The following PTPN18 variants were observed in gnomAD, a reference collection of about 807,000 sequenced individuals.
The protein encoded by PTPN18 is protein tyrosine phosphatase non-receptor type 18, also known as tyrosine-protein phosphatase non-receptor type 18.
Under a neutral mutation model 65.4 loss-of-function variants are expected in PTPN18, and 65 were observed. The ratio of observed to expected loss-of-function variants is 0.99; its 90% CI spans 0.81 to 1.22. The LOEUF (loss-of-function observed/expected upper bound fraction) is 1.22. Among genes scored for constraint, PTPN18 ranks in the 50% most tolerant of loss-of-function variants. PTPN18 has a pLI of 0.00. For synonymous variants in PTPN18, 255 were observed against 267.8 expected (o/e 0.95, Z 0.47); for missense variants, 616 against 646.5 (o/e 0.95, Z 0.51).
chr2:130,372,207 C>T lies in PTPN18; in HGVS notation c.1014-50C>T, dbSNP rs913137443. On this transcript the variant is annotated intron_variant, in intron 12 of 14. Transcript: ENST00000175756. ...GCGCTGAGCAGCCTCCCCACTCCCG[C>T]CCTGCCCAGCGCCGCCGTTTCACTT... 5 of 1,518,012 alleles carry T rather than the reference C, an allele frequency of 3.3e-6. No homozygotes were observed. The African/African-American group carries it at 5.6e-5, about 17-fold the overall frequency. 94.0% of individuals were successfully genotyped at this position (1,518,012 alleles called of 1,614,324 possible).
At chr2:130,372,547 C>T in intron 13 of PTPN18, 64 bp downstream of exon 13, 2 of 1,410,176 alleles carry the variant, frequency 1.4e-6, no homozygotes, top group Non-Finnish European at 1.8e-6. Context: ...CGGAACCATC[C>T]TGCAGTGGTC....
At position 130,373,488 on chromosome 2, in the gene PTPN18, A is replaced by T; in HGVS notation, c.*264A>T. On this transcript the variant is annotated 3_prime_UTR_variant, in exon 15 of 15. Coordinates refer to ENST00000175756, the MANE Select transcript of PTPN18 (RefSeq NM_014369.4). This position sits in a 1 kb window ranked among gnomAD's most constrained non-coding sequence, Gnocchi z 4.1. Reference sequence around the variant, plus strand: ...CAGGAAGGGGCATGACCCCTGAGTTATGAAGGGGAGAAGGGACAGATGAGC... The same window carrying T: ...CAGGAAGGGGCATGACCCCTGAGTTTTGAAGGGGAGAAGGGACAGATGAGC... 1 of 357,786 alleles carries T rather than the reference A, an allele frequency of 2.8e-6. No individual in the cohort carries two copies. The highest frequency in any genetic ancestry group is 5.1e-6 in the Non-Finnish European group (1 of 197,826). 22.2% of individuals were successfully genotyped at this position (357,786 alleles called of 1,614,324 possible).
chr2:130,372,353 G>A lies in PTPN18; in HGVS notation c.1110G>A (p.Thr370=). Residue 370 remains threonine (T), a synonymous_variant, in exon 13 of 15, where the codon ACG becomes ACA. Transcript: ENST00000175756. ...RGAPAGAGSG[T]QTGTGTGTGA... is the part of the protein sequence containing the mutation. ...CTCCAGCGGGCGCCGGGAGTGGGAC[G>A]CAGACGGGGACGGGGACGGGGACGG... The A allele has an allele frequency of 7.2e-7, 1 of 1,379,530 alleles. No homozygotes were observed. Among genetic ancestry groups the A allele is most frequent in the Non-Finnish European group, 9.3e-7 (1 of 1,078,046 alleles). 85.5% of individuals were successfully genotyped at this position (1,379,530 alleles called of 1,614,324 possible).
intron 5 of PTPN18, 24 bp from the exon 6 acceptor site, chr2:130,369,108 GC>G: frequency 6.3e-7 from 1 of 1,592,800 alleles, no homozygotes; most frequent in Admixed American, 1.7e-5. Context: ...CTCACTCCCT[GC>G]CTTTTCTCCC....
intron 1 of PTPN18, among the ~76,000 whole-genome samples, chr2:130,357,587 T>G (rs1485197602): frequency 6.6e-6 from 1 of 152,210 alleles, no homozygotes; most frequent in Non-Finnish European, 1.5e-5. Context: ...CCGGGCACGG[T>G]GGCTCACGCC....
rs766799780 is a variant in PTPN18 at position 130,370,533 on chromosome 2, G to C, written c.690-24G>C. On this transcript the variant is annotated intron_variant, in intron 8 of 14. Coordinates refer to ENST00000175756, the MANE Select transcript of PTPN18 (RefSeq NM_014369.4). ...AGGGGTTGTGGTCAGGACCTGACCA[G>C]GCACACTCTGATTCTCTTGTCAGTG... 1.1e-5 allele frequency: 17 copies of C among 1,614,076 alleles called. No homozygotes were observed. The South Asian group carries it at 1.9e-4, about 18-fold the overall frequency.
intron 1 of PTPN18, among the ~76,000 whole-genome samples, chr2:130,356,892 TAAAG>T (rs1679992105): frequency 6.6e-6 from 1 of 152,186 alleles, no homozygotes; most frequent in Admixed American, 6.5e-5. Flanking sequence ...TCACTGCCTA[TAAAG>T]ATTCTAAACG....
intron 12 of PTPN18, 31 bp downstream of exon 12, chr2:130,371,318 G>T: frequency 6.6e-7 from 1 of 1,515,262 alleles, no homozygotes; most frequent in Non-Finnish European, 9.1e-7. Context: ...ATTCTTCCCT[G>T]CCCAATTTCT....
rs1465768539 is a variant in PTPN18, at chr2:130,372,443, G to A, written c.1200G>A (p.Gly400=). ...SKVTPRAQRP[G]AHAEDARGTL... ...TGACGCCGCGCGCCCAGCGACCCGG[G>A]GCGCACGCGGAGGACGCGAGGGGGA... Residue 400 remains glycine (G), a synonymous_variant, in exon 13 of 15, where the codon GGG becomes GGA. Coordinates refer to ENST00000175756, the MANE Select transcript of PTPN18 (RefSeq NM_014369.4). The A allele has an allele frequency of 2.2e-6, 3 of 1,369,124 alleles. No homozygotes were observed. Among genetic ancestry groups the A allele is most frequent in the South Asian group, 1.7e-5 (1 of 58,546 alleles). 84.8% of individuals were successfully genotyped at this position (1,369,124 alleles called of 1,614,324 possible). A position where few individuals can be genotyped will look rare whatever the true frequency, so the allele number is the denominator to read the frequency against.
At chr2:130,366,867 C>T (rs1196772937) in intron 5 of PTPN18, among the ~76,000 whole-genome samples, 1 of 152,010 alleles carries the variant, frequency 6.6e-6, no homozygotes, top group East Asian at 1.9e-4. Flanking sequence ...CTCTGTCATA[C>T]AGGCTGGAGT....
chr2:130,371,899 T>G, intron 12 of PTPN18: 1 of 246,576 alleles, frequency 4.1e-6, no homozygotes. Context: ...GGACATGGGA[T>G]TGAGCCGCCT....
At chr2:130,370,681 A>C (rs1340349835) in intron 9 of PTPN18, 24 bp from the exon 10 acceptor site, 7 of 1,614,082 alleles carry the variant, frequency 4.3e-6, no homozygotes, top group Non-Finnish European at 5.9e-6. Context: ...TGTCCTGCTC[A>C]AGTGCCTTGT....
chr2:130,370,884 A>G lies in PTPN18; in HGVS notation c.844A>G (p.Arg282Gly). The change falls in exon 11 of 15, where the codon AGG becomes GGG. Residue 282 changes from arginine (R) to glycine (G), a missense_variant. By Grantham distance (125) the Arg-to-Gly change is moderately radical. Around this residue, in one of 3 missense-constraint regions of PTPN18, gnomAD observed 368 missense variants for 386.7 expected, o/e 0.95. Transcript: ENST00000175756. Reference protein sequence around the residue: ...PAAVQTEEQYRFLYHTVAQMF... With the variant: ...PAAVQTEEQYGFLYHTVAQMF... ...TCCCTCACCCCAACAGGAGCAGTAC[A>G]GGTTCCTGTACCACACGGTGGCTCA... 1 of 1,614,060 alleles carries G rather than the reference A, an allele frequency of 6.2e-7. No individual in the cohort carries two copies. The highest frequency in any genetic ancestry group is 8.5e-7 in the Non-Finnish European group (1 of 1,179,976).
At chr2:130,368,967 T>C (rs73960316) in intron 5 of PTPN18, 166 bp from the exon 6 acceptor site, 14,292 of 587,322 alleles carry the variant, frequency 0.024, 1,561 homozygotes, top group African/African-American at 0.24. Flanking sequence ...TGAGTCTGCA[T>C]GTGTTTAATC....
chr2:130,372,135 C>G lies in PTPN18; in HGVS notation c.1014-122C>G, dbSNP rs1415632518. ...AGGCCTCCAACCCAAGGAGCCCTCCCTCCCATCTAGCGCACCGCCTCGGCG... is the reference window on the plus strand; with the variant it reads ...AGGCCTCCAACCCAAGGAGCCCTCCGTCCCATCTAGCGCACCGCCTCGGCG... On this transcript the variant is annotated intron_variant, in intron 12 of 14. Coordinates refer to ENST00000175756, the MANE Select transcript of PTPN18 (RefSeq NM_014369.4). The G allele has an allele frequency of 3.2e-6, 3 of 946,226 alleles. No individual in the cohort carries two copies. The African/African-American group carries it at 5.2e-5, about 16-fold the overall frequency. 58.6% of individuals were successfully genotyped at this position (946,226 alleles called of 1,614,324 possible). A position where few individuals can be genotyped will look rare whatever the true frequency, so the allele number is the denominator to read the frequency against.
At chr2:130,359,085 C>G (rs980072811) in intron 2 of PTPN18, 110 bp downstream of exon 2, 1 of 1,439,776 alleles carries the variant, frequency 6.9e-7, no homozygotes, top group Non-Finnish European at 9.7e-7. Flanking sequence ...GAGCCTCACC[C>G]TCTGCACTGC....
chr2:130,357,025 T>C (rs1346179716), intron 1 of PTPN18, among the ~76,000 whole-genome samples: 2 of 152,130 alleles, frequency 1.3e-5, no homozygotes, highest in Admixed American at 6.5e-5. Flanking sequence ...ACCCCGTCTC[T>C]ACTAAAAATA....
chr2:130,365,143 A>G (rs1680340359), intron 5 of PTPN18, among the ~76,000 whole-genome samples: 1 of 152,232 alleles, frequency 6.6e-6, no homozygotes, highest in Admixed American at 6.5e-5. Context: ...TCCCAGCACC[A>G]TTACTGAGTA....
intron 12 of PTPN18, 112 bp downstream of exon 12, chr2:130,371,399 C>T (rs781313278): frequency 1.7e-5 from 16 of 933,492 alleles, no homozygotes; most frequent in African/African-American, 6.7e-5. Flanking sequence ...GTTCGCTGGC[C>T]CTTTCTTCGA....
Sources: allele counts gnomAD v4.1 joint callset (sites outside exome capture counted in the v4.1 genomes callset), GRCh38; gene constraint gnomAD v4.1.1; regional missense constraint gnomAD v4.1.1; non-coding constraint Gnocchi (gnomAD v3.1); transcripts MANE v1.5; gene names NCBI Gene and HGNC (gene_info 2026-07-23, HGNC 2026-07-21).